The following POF1B variants were observed in gnomAD, a reference collection of about 807,000 sequenced individuals.
POF1B encodes the protein POF1B actin binding protein.
POF1B carries 53 observed loss-of-function variants against 55.3 expected under a neutral mutation model. The observed-to-expected ratio is 0.96, with a 90% CI of 0.77 to 1.20. The LOEUF is 1.20. Ranked by LOEUF, POF1B falls within the 50% of genes most tolerant of loss-of-function variation. The pLI is 0.00. For synonymous variants in POF1B, 188 were observed against 148.3 expected, an observed-to-expected ratio of 1.27 and a Z score of -1.95; for missense variants, 478 against 420.5, an observed-to-expected ratio of 1.14 and a Z score of -1.20.
intron 2 of POF1B, among the ~76,000 whole-genome samples, chrX:85,368,146 T>A (rs1314984815): frequency 8.9e-6 from 1 of 112,194 alleles, no homozygotes. Context: ...TTTTTAAAAT[T>A]CTTATAAATT....
rs140365259 is a variant in POF1B, at chrX:85,282,942, T to C, written c.1650-625A>G. ...CTCTCATAGGGATGGTAATGTTTTG[T>C]GTTCCACTAACAAAACCAGAGTGAA... is the stretch of plus-strand genomic sequence containing the variant. On this transcript the variant is annotated intron_variant, in intron 15 of 16. Transcript: ENST00000262753. Among the ~76,000 whole-genome samples, 365 of 111,271 alleles carry C rather than the reference T, an allele frequency of 3.3e-3. 1 individual carries two copies. Among genetic ancestry groups the C allele is most frequent in the Non-Finnish European group, 2.9e-3 (152 of 52,963 alleles).
At chrX:85,359,373 A>T (rs1184019892) in intron 4 of POF1B, among the ~76,000 whole-genome samples, 177 bp downstream of exon 4, 5 of 110,900 alleles carry the variant, frequency 4.5e-5, no homozygotes, top group Non-Finnish European at 9.5e-5. Context: ...GAATATATAG[A>T]CTCATGGTTG....
intron 15 of POF1B, among the ~76,000 whole-genome samples, chrX:85,283,191 TG>T (rs1179781398): frequency 9.0e-6 from 1 of 111,462 alleles, no homozygotes; most frequent in South Asian, 3.7e-4. Flanking sequence ...TCACAATTCA[TG>T]GCATTCAACG....
intron 7 of POF1B, among the ~76,000 whole-genome samples, chrX:85,329,647 A>T (rs866514840): frequency 3.8e-5 from 4 of 104,350 alleles, no homozygotes; most frequent in African/African-American, 1.5e-4. Context: ...TTTTTTTTAA[A>T]AAAAGAGAAT....
At chrX:85,308,292 TC>T in intron 9 of POF1B, 76 bp from the exon 10 acceptor site, 7 of 628,885 alleles carry the variant, frequency 1.1e-5, no homozygotes, top group Non-Finnish European at 1.6e-5. Flanking sequence ...GTTTTTTTTT[TC>T]CTACTAGCAA....
At chrX:85,302,796 T>C (rs1932488104) in intron 15 of POF1B, among the ~76,000 whole-genome samples, 1 of 112,327 alleles carries the variant, frequency 8.9e-6, no homozygotes, top group Non-Finnish European at 1.9e-5. Context: ...GCAAACATTA[T>C]GCAAAATGAA....
chrX:85,287,282 A>G (rs12832649), intron 15 of POF1B, among the ~76,000 whole-genome samples: 5 of 111,280 alleles, frequency 4.5e-5, no homozygotes, highest in Non-Finnish European at 9.5e-5. Context: ...GAGAAACAGT[A>G]TAGGAAAATC....
intron 3 of POF1B, among the ~76,000 whole-genome samples, chrX:85,361,179 G>A (rs762113696): frequency 9.0e-6 from 1 of 111,590 alleles, no homozygotes; most frequent in Non-Finnish European, 1.9e-5. Flanking sequence ...ATAGGTTTTC[G>A]TTTCACTCTG....
chrX:85,360,522 G>GTTAT (rs1487678313), intron 3 of POF1B, among the ~76,000 whole-genome samples: 2 of 55,589 alleles, frequency 3.6e-5, no homozygotes, highest in African/African-American at 9.4e-5. Context: ...AGTATTCCAT[G>GTTAT]GTATGTATAT....
At chrX:85,340,125 T>C (rs776987413) in intron 6 of POF1B, among the ~76,000 whole-genome samples, 1 of 110,903 alleles carries the variant, frequency 9.0e-6, no homozygotes, top group Non-Finnish European at 1.9e-5. Context: ...AATTAGACAT[T>C]GAAGACTGGT....
At chrX:85,343,845 C>T (rs758547601) in intron 6 of POF1B, among the ~76,000 whole-genome samples, 1 of 110,863 alleles carries the variant, frequency 9.0e-6, no homozygotes, top group African/African-American at 3.3e-5. Context: ...ACATAAGTGA[C>T]CCAAATTCAA....
intron 5 of POF1B, among the ~76,000 whole-genome samples, chrX:85,349,114 T>C (rs773410891): frequency 1.8e-5 from 2 of 111,147 alleles, no homozygotes; most frequent in South Asian, 3.7e-4. Context: ...ATACATACCA[T>C]AGCAAACCCT....
At chrX:85,303,233 T>A (rs1353336081) in intron 15 of POF1B, among the ~76,000 whole-genome samples, 173 bp downstream of exon 15, 3 of 111,295 alleles carry the variant, frequency 2.7e-5, no homozygotes, top group African/African-American at 9.8e-5. Flanking sequence ...TGCTTCAGGA[T>A]TTTTTTGACC....
chrX:85,328,337 T>C (rs1270704176), intron 7 of POF1B, among the ~76,000 whole-genome samples: 1 of 108,813 alleles, frequency 9.2e-6, no homozygotes, highest in Admixed American at 9.9e-5. Flanking sequence ...CCTGAGTAGC[T>C]GGGACTACAG....
chrX:85,358,672 A>T (rs767738226), intron 4 of POF1B, among the ~76,000 whole-genome samples: 2 of 110,877 alleles, frequency 1.8e-5, no homozygotes, highest in African/African-American at 3.3e-5. Context: ...TAATGCAACA[A>T]TTGGACTGAG....
intron 5 of POF1B, among the ~76,000 whole-genome samples, chrX:85,347,772 C>G (rs1406138041): frequency 3.6e-5 from 4 of 111,271 alleles, no homozygotes; most frequent in Non-Finnish European, 7.6e-5. Context: ...TCTCTAGACT[C>G]TTTTCAAATA....
At position 85,278,419 on chromosome X, in the gene POF1B, A is replaced by G. The variant is rs1931824566; in HGVS notation, c.*1002T>C. 1 of 111,057 alleles carries G rather than the reference A, an allele frequency of 9.0e-6. No individual in the cohort carries two copies. The highest frequency in any genetic ancestry group is 3.3e-5 in the African/African-American group (1 of 30,649). 9.2% of individuals were successfully genotyped at this position (111,057 alleles called of 1,213,427 possible). On this transcript the variant is annotated 3_prime_UTR_variant, in exon 17 of 17. Transcript: ENST00000262753. ...GTTGAAATGTAAAATTTTCATCCTC[A>G]TCTTGCATTGAAAAAATACTTGTGT...
At chrX:85,281,027 T>C (rs1931884483) in intron 16 of POF1B, among the ~76,000 whole-genome samples, 1 of 110,615 alleles carries the variant, frequency 9.0e-6, no homozygotes, top group Non-Finnish European at 1.9e-5. Flanking sequence ...CTCTAGACAT[T>C]GCTAAATGTC....
At chrX:85,288,839 A>G (rs1344587691) in intron 15 of POF1B, among the ~76,000 whole-genome samples, 2 of 111,890 alleles carry the variant, frequency 1.8e-5, no homozygotes, top group African/African-American at 6.5e-5. Flanking sequence ...TGTTAAGTTC[A>G]ATTAAACCTC....
Sources: gnomAD v4.1 joint callset for allele counts (sites outside exome capture counted in the v4.1 genomes callset) on GRCh38, gnomAD v4.1.1 for gene constraint, MANE v1.5 for transcripts, NCBI Gene and HGNC (gene_info 2026-07-23, HGNC 2026-07-21) for gene names.